Variants in ADAMTS2 observed in about 807,000 individuals in gnomAD.
ADAMTS2 encodes the protein ADAM metallopeptidase with thrombospondin type 1 motif 2, also known as A disintegrin and metalloproteinase with thrombospondin motifs 2.
In ADAMTS2, 50 loss-of-function variants were observed where a neutral mutation model predicts 123.0. The ratio of observed to expected loss-of-function variants is 0.41; its 90% CI spans 0.32 to 0.51. The LOEUF (loss-of-function observed/expected upper bound fraction) is 0.51. ADAMTS2 is among the 20% of genes least tolerant of loss of function. The pLI, the probability that ADAMTS2 is intolerant of heterozygous loss-of-function variation, is 0.35. For missense variants in ADAMTS2, 1,494 were observed against 1,705.2 expected, an observed-to-expected ratio of 0.88 and a Z score of 2.18; for synonymous variants, 678 against 695.4, an observed-to-expected ratio of 0.98 and a Z score of 0.39.
intron 4 of ADAMTS2, among the ~76,000 whole-genome samples, chr5:179,206,662 G>T (rs927112545): frequency 6.6e-6 from 1 of 152,170 alleles, no homozygotes; most frequent in Non-Finnish European, 1.5e-5. Flanking sequence ...AGCCAAGCCA[G>T]TCTGCTCCCC....
At chr5:179,273,133 G>A in intron 2 of ADAMTS2, 69 bp from the exon 3 acceptor site, 2 of 1,608,346 alleles carry the variant, frequency 1.2e-6, no homozygotes, top group East Asian at 2.2e-5. Flanking sequence ...ACAGCGAGGA[G>A]ACCCCCTCAG....
In ADAMTS2 at chr5:179,292,795, G is replaced by A. The variant is rs185575360; in HGVS notation, c.535-19731C>T. ...ATCCAAGCTCCCACCCCACCCTGGA[G>A]TGCAGACCACTGCCCAGACGGCTTC... is the stretch of plus-strand genomic sequence containing the variant. On this transcript the variant is annotated intron_variant, in intron 2 of 21. Coordinates refer to ENST00000251582, the MANE Select transcript of ADAMTS2 (RefSeq NM_014244.5). 5.3e-5 allele frequency among the ~76,000 whole-genome samples: 8 copies of A among 152,310 alleles called. 1 individual carries two copies. In the East Asian group the frequency reaches 1.5e-3, roughly 29 times the overall value.
At chr5:179,168,087 T>C (rs997339345) in intron 5 of ADAMTS2, among the ~76,000 whole-genome samples, 1 of 152,202 alleles carries the variant, frequency 6.6e-6, no homozygotes, top group Admixed American at 6.5e-5. Context: ...GCAGACCACA[T>C]TTCTCAACCT....
chr5:179,330,079 T>C (rs1757441305), intron 2 of ADAMTS2, among the ~76,000 whole-genome samples: 2 of 148,344 alleles, frequency 1.3e-5, no homozygotes, highest in African/African-American at 2.5e-5. Context: ...TGAGCCGAGA[T>C]TGCGCCACTG....
chr5:179,247,041 C>T (rs546348446), intron 3 of ADAMTS2, among the ~76,000 whole-genome samples: 1 of 152,230 alleles, frequency 6.6e-6, no homozygotes, highest in African/African-American at 2.4e-5. Context: ...AAAGACCTTC[C>T]CTGAGGAAGC....
At position 179,207,475 on chromosome 5, in the gene ADAMTS2, T is replaced by G; in HGVS notation, c.891+38A>C. The G allele has an allele frequency of 6.2e-4, 362 of 588,482 alleles. 3 individuals carry two copies. Among genetic ancestry groups the G allele is most frequent in the Non-Finnish European group, 9.7e-4 (301 of 311,302 alleles). 36.5% of individuals were successfully genotyped at this position (588,482 alleles called of 1,614,324 possible). ...GGCCTGCCCAGCCCCTGGTTGACCC[T>G]CCCCGCCCCACCCTGCCCCCTCAGC... On this transcript the variant is annotated intron_variant, in intron 4 of 21. Coordinates refer to ENST00000251582, the MANE Select transcript of ADAMTS2 (RefSeq NM_014244.5).
intron 9 of ADAMTS2, among the ~76,000 whole-genome samples, chr5:179,153,135 C>T (rs932359078): frequency 6.6e-6 from 1 of 152,092 alleles, no homozygotes; most frequent in African/African-American, 2.4e-5. Flanking sequence ...GTGGCCTCTG[C>T]GTCCGTGGCC....
intron 4 of ADAMTS2, among the ~76,000 whole-genome samples, chr5:179,206,527 C>G (rs1292421077): frequency 1.3e-5 from 2 of 152,184 alleles, no homozygotes; most frequent in Non-Finnish European, 2.9e-5. Context: ...CACCTCCAGC[C>G]CTCCCTAAGC....
rs1755996420 is a variant in ADAMTS2, at chr5:179,285,558, G to A, written c.535-12494C>T. ...AGAGCTGGCCAGCCAGACCCAGCCAGGACACAGAGGTCAGTGGGTCAGACC... is the reference window on the plus strand; with the variant it reads ...AGAGCTGGCCAGCCAGACCCAGCCAAGACACAGAGGTCAGTGGGTCAGACC... On this transcript the variant is annotated intron_variant, in intron 2 of 21. Transcript: ENST00000251582. The surrounding 1 kb of genome is among the most constrained non-coding windows in gnomAD (Gnocchi z 4.9). 1.3e-5 allele frequency among the ~76,000 whole-genome samples: 2 copies of A among 152,198 alleles called. No homozygotes were observed. The highest frequency in any genetic ancestry group is 2.9e-5 in the Non-Finnish European group (2 of 68,034).
intron 10 of ADAMTS2, among the ~76,000 whole-genome samples, chr5:179,141,240 TTC>T (rs1246459237): frequency 2.6e-5 from 4 of 152,202 alleles, no homozygotes; most frequent in African/African-American, 9.6e-5. Context: ...CCTCAGCAAA[TTC>T]TTTCTGTAAA....
chr5:179,302,453 T>G (rs1431020356), intron 2 of ADAMTS2, among the ~76,000 whole-genome samples: 1 of 147,660 alleles, frequency 6.8e-6, no homozygotes, highest in Non-Finnish European at 1.5e-5. Context: ...GCAGCAAGAT[T>G]CTCTGCGGAG....
At chr5:179,167,078 G>C (rs1386413267) in intron 5 of ADAMTS2, among the ~76,000 whole-genome samples, 23 of 152,336 alleles carry the variant, frequency 1.5e-4, no homozygotes, top group Non-Finnish European at 4.4e-5. Flanking sequence ...CCAGCAGGAA[G>C]TCACCGTCCG....
In ADAMTS2 at chr5:179,217,827, CCTGAGG is replaced by C. The variant is rs1423370359; in HGVS notation, c.689-10118_689-10113del. Reference sequence around the variant, plus strand: ...GATGGGCACACTCACTAGGGGATGGCCTGAGGGCAGACAGGCACACTCACTAGGTAG... The same window carrying C: ...GATGGGCACACTCACTAGGGGATGGCGCAGACAGGCACACTCACTAGGTAG... On this transcript the variant is annotated intron_variant, in intron 3 of 21. Coordinates refer to ENST00000251582, the MANE Select transcript of ADAMTS2 (RefSeq NM_014244.5). Among the ~76,000 whole-genome samples, 355 of 97,056 alleles carry C rather than the reference CCTGAGG, an allele frequency of 3.7e-3. 5 individuals are homozygous for C. The highest frequency in any genetic ancestry group is 0.013 in the African/African-American group (333 of 25,058). The allele number at this position is 97,056 out of a possible 152,430, so 63.7% of individuals were successfully genotyped here. A position where few individuals can be genotyped will look rare whatever the true frequency, so the allele number is the denominator to read the frequency against.
At chr5:179,329,518 A>G (rs1413342255) in intron 2 of ADAMTS2, among the ~76,000 whole-genome samples, 6 of 152,176 alleles carry the variant, frequency 3.9e-5, no homozygotes, top group Non-Finnish European at 7.3e-5. Context: ...CACCTTATAC[A>G]GTATAAGAAA....
chr5:179,294,533 GC>G (rs1211343819), intron 2 of ADAMTS2, among the ~76,000 whole-genome samples: 1 of 152,214 alleles, frequency 6.6e-6, no homozygotes, highest in African/African-American at 2.4e-5. Flanking sequence ...CACCCACGTG[GC>G]CCAAGGAGGC....
At chr5:179,259,966 C>G (rs959285100) in intron 3 of ADAMTS2, among the ~76,000 whole-genome samples, 1 of 152,226 alleles carries the variant, frequency 6.6e-6, no homozygotes, top group Non-Finnish European at 1.5e-5. Flanking sequence ...TGGAAACGCA[C>G]AGTCCCTTGT....
chr5:179,338,970 G>T (rs564554161), intron 2 of ADAMTS2, among the ~76,000 whole-genome samples: 25 of 152,206 alleles, frequency 1.6e-4, no homozygotes, highest in African/African-American at 5.8e-4. Flanking sequence ...TTGAGTATGG[G>T]GTCATCCAGG....
rs768479604 is a variant in ADAMTS2, at chr5:179,242,866, C to G, written c.688+30045G>C. Among the ~76,000 whole-genome samples the G allele has an allele frequency of 5.3e-5, 8 of 152,136 alleles. No homozygotes were observed. The highest frequency in any genetic ancestry group is 1.9e-4 in the African/African-American group (8 of 41,412). ...AGGGTAACTCCCTGCTGAGTGTGACCGAAAGGCCGGAGCACCTTCCTCCAC... is the reference window on the plus strand; with the variant it reads ...AGGGTAACTCCCTGCTGAGTGTGACGGAAAGGCCGGAGCACCTTCCTCCAC... On this transcript the variant is annotated intron_variant, in intron 3 of 21. Coordinates refer to ENST00000251582, the MANE Select transcript of ADAMTS2 (RefSeq NM_014244.5). This position sits in a 1 kb window ranked among gnomAD's most constrained non-coding sequence, Gnocchi z 4.2.
At chr5:179,218,644 G>T (rs569555127) in intron 3 of ADAMTS2, among the ~76,000 whole-genome samples, 1 of 152,218 alleles carries the variant, frequency 6.6e-6, no homozygotes. Flanking sequence ...ATCGGAGGGT[G>T]GGGAGGGGCT....
Sources: allele counts gnomAD v4.1 joint callset (sites outside exome capture counted in the v4.1 genomes callset), GRCh38; gene constraint gnomAD v4.1.1; non-coding constraint Gnocchi (gnomAD v3.1); transcripts MANE v1.5; gene names NCBI Gene and HGNC (gene_info 2026-07-23, HGNC 2026-07-21).